The following BMPR1B variants were observed in gnomAD, a reference collection of about 807,000 sequenced individuals.
The protein encoded by BMPR1B is bone morphogenetic protein receptor type-1B.
In BMPR1B, 12 loss-of-function variants were observed where a neutral mutation model predicts 59.1. That is an observed-to-expected ratio of 0.20 (90% CI 0.13 to 0.33). The LOEUF (loss-of-function observed/expected upper bound fraction) is 0.33. BMPR1B is among the 10% of genes least tolerant of loss of function. The pLI is 1.00. For synonymous variants in BMPR1B, 237 were observed against 207.3 expected, an observed-to-expected ratio of 1.14 and a Z score of -1.23; for missense variants, 550 against 610.9, an observed-to-expected ratio of 0.90 and a Z score of 1.05.
At chr4:95,111,760 G>T (rs373343273) in intron 4 of BMPR1B, among the ~76,000 whole-genome samples, 2 of 152,144 alleles carry the variant, frequency 1.3e-5, no homozygotes, top group African/African-American at 4.8e-5. Context: ...GTTCCTTCTA[G>T]ACAGTCCTTT....
chr4:94,896,512 T>A (rs1490314821), intron 2 of BMPR1B, among the ~76,000 whole-genome samples: 1 of 152,000 alleles, frequency 6.6e-6, no homozygotes, highest in Non-Finnish European at 1.5e-5. Flanking sequence ...TATATGTTAA[T>A]GCTGGGAACT....
At chr4:94,837,362 T>G (rs1261628478) in intron 1 of BMPR1B, among the ~76,000 whole-genome samples, 5 of 146,500 alleles carry the variant, frequency 3.4e-5, no homozygotes, top group Admixed American at 3.4e-4. Context: ...GTATGGCCAT[T>G]TTCACGATAT....
At chr4:94,952,543 G>A (rs1049188278) in intron 2 of BMPR1B, among the ~76,000 whole-genome samples, 3 of 152,196 alleles carry the variant, frequency 2.0e-5, no homozygotes, top group African/African-American at 7.2e-5. Flanking sequence ...GGAGCAGGTT[G>A]TTCAGTTTCC....
At chr4:94,906,920 T>C (rs1728066201) in intron 2 of BMPR1B, among the ~76,000 whole-genome samples, 1 of 152,050 alleles carries the variant, frequency 6.6e-6, no homozygotes. Context: ...ACTATTATAA[T>C]TGAGTTAATT....
chr4:94,912,355 G>A (rs1728309255), intron 2 of BMPR1B, among the ~76,000 whole-genome samples: 1 of 152,082 alleles, frequency 6.6e-6, no homozygotes, highest in Non-Finnish European at 1.5e-5. Context: ...GGTGGGTGGA[G>A]GTTAGATTGG....
chr4:94,928,719 C>T (rs1728984210), intron 2 of BMPR1B, among the ~76,000 whole-genome samples: 1 of 151,930 alleles, frequency 6.6e-6, no homozygotes, highest in Non-Finnish European at 1.5e-5. Flanking sequence ...AAACAGGCCC[C>T]TTATTTTTGC....
chr4:94,992,523 AAAAG>A, intron 2 of BMPR1B, among the ~76,000 whole-genome samples: 1 of 152,350 alleles, frequency 6.6e-6, no homozygotes, highest in South Asian at 2.1e-4. Context: ...TTTATTTAAA[AAAAG>A]GTAAAAACAT....
chr4:94,837,183 C>T (rs1440244939), intron 1 of BMPR1B, among the ~76,000 whole-genome samples: 1 of 147,162 alleles, frequency 6.8e-6, no homozygotes, highest in African/African-American at 2.5e-5. Context: ...AGTTTGAAGT[C>T]AGGTAGCGTG....
At chr4:95,105,296 A>G (rs539448672) in intron 4 of BMPR1B, among the ~76,000 whole-genome samples, 2 of 152,058 alleles carry the variant, frequency 1.3e-5, no homozygotes, top group South Asian at 2.1e-4. Context: ...TGGGTCAGCT[A>G]TCTAGAAGAG....
chr4:94,876,835 TC>T (rs1460665187), intron 2 of BMPR1B, among the ~76,000 whole-genome samples: 3 of 152,204 alleles, frequency 2.0e-5, no homozygotes, highest in Non-Finnish European at 4.4e-5. Context: ...TTGACTTTAC[TC>T]CAGTGAACTC....
intron 6 of BMPR1B, among the ~76,000 whole-genome samples, chr4:95,118,580 C>A (rs550611706): frequency 3.3e-4 from 51 of 152,262 alleles, no homozygotes; most frequent in African/African-American, 9.4e-4. Context: ...AGACTTCGCC[C>A]GGGAGTTCTC....
At chr4:95,087,415 C>T (rs1385822166) in intron 3 of BMPR1B, among the ~76,000 whole-genome samples, 1 of 151,962 alleles carries the variant, frequency 6.6e-6, no homozygotes, top group Non-Finnish European at 1.5e-5. Context: ...CTCGTGTTTT[C>T]TTCTTGAAGG....
At chr4:94,855,395 G>T (rs995083815) in intron 1 of BMPR1B, among the ~76,000 whole-genome samples, 2 of 152,146 alleles carry the variant, frequency 1.3e-5, no homozygotes, top group Admixed American at 6.5e-5. Context: ...CTTAAACTCA[G>T]GTTTCTCGGA....
intron 1 of BMPR1B, among the ~76,000 whole-genome samples, chr4:94,815,525 A>G (rs540339470): frequency 6.6e-6 from 1 of 152,276 alleles, no homozygotes; most frequent in East Asian, 1.9e-4. Flanking sequence ...AACGTGCCAC[A>G]TACGTTCTTA....
chr4:94,769,895 A>G (rs1441801719), intron 1 of BMPR1B, among the ~76,000 whole-genome samples: 2 of 152,216 alleles, frequency 1.3e-5, no homozygotes, highest in African/African-American at 2.4e-5. Flanking sequence ...TGAAACTGCT[A>G]TATTTGGAAA....
chr4:94,813,272 G>C (rs1723890360), intron 1 of BMPR1B, among the ~76,000 whole-genome samples: 2 of 152,168 alleles, frequency 1.3e-5, no homozygotes, highest in South Asian at 4.1e-4. Flanking sequence ...TGAAAGACAT[G>C]TGACACTTGA....
At chr4:95,009,659 A>G (rs990314806) in intron 3 of BMPR1B, among the ~76,000 whole-genome samples, 1 of 152,174 alleles carries the variant, frequency 6.6e-6, no homozygotes, top group African/African-American at 2.4e-5. Flanking sequence ...GCAGGTTCGA[A>G]CACCAGTTTT....
intron 1 of BMPR1B, among the ~76,000 whole-genome samples, chr4:94,809,871 C>T (rs1188006127): frequency 6.6e-6 from 1 of 152,166 alleles, no homozygotes; most frequent in Non-Finnish European, 1.5e-5. Flanking sequence ...CAGCATTTAC[C>T]CTGAGGAGAG....
intron 1 of BMPR1B, among the ~76,000 whole-genome samples, chr4:94,782,183 T>C (rs903839432): frequency 3.9e-5 from 6 of 152,086 alleles, no homozygotes; most frequent in Non-Finnish European, 5.9e-5. Context: ...TTTTCTTCGT[T>C]TCTAAAAACC....
Sources: allele counts gnomAD v4.1 joint callset (sites outside exome capture counted in the v4.1 genomes callset), GRCh38; gene constraint gnomAD v4.1.1; transcripts MANE v1.5; gene names NCBI Gene and HGNC (gene_info 2026-07-23, HGNC 2026-07-21).